Variants in CLASP1 observed in about 807,000 individuals in gnomAD.
The protein encoded by CLASP1 is CLIP-associating protein 1.
A neutral mutation model predicts 192.3 loss-of-function variants in CLASP1; 38 were observed. The observed-to-expected ratio is 0.20, with a 90% CI of 0.15 to 0.26. The LOEUF (loss-of-function observed/expected upper bound fraction) is 0.26. Among genes scored for constraint, CLASP1 ranks in the 10% least tolerant of loss-of-function variants. CLASP1 has a pLI of 1.00. For missense variants in CLASP1, 1,433 were observed against 1,932.5 expected, an observed-to-expected ratio of 0.74 and a Z score of 4.85; for synonymous variants, 691 against 712.8, an observed-to-expected ratio of 0.97 and a Z score of 0.49.
intron 6 of CLASP1, among the ~76,000 whole-genome samples, chr2:121,522,750 G>T (rs2104588959): frequency 6.6e-6 from 1 of 152,166 alleles, no homozygotes; most frequent in South Asian, 2.1e-4. Flanking sequence ...TCTACTCCAG[G>T]GCTGCCAATG....
chr2:121,402,488 G>T, intron 26 of CLASP1: 1 of 463,562 alleles, frequency 2.2e-6, no homozygotes, highest in East Asian at 5.7e-5. Context: ...TCACCACCAG[G>T]GGTCTCCTGT....
At chr2:121,590,036 CTA>C (rs1559700570) in intron 2 of CLASP1, among the ~76,000 whole-genome samples, 1 of 152,056 alleles carries the variant, frequency 6.6e-6, no homozygotes, top group Non-Finnish European at 1.5e-5. Flanking sequence ...AAAAATAAAA[CTA>C]TTTTATTTAC....
chr2:121,612,856 A>G (rs1318916748), intron 1 of CLASP1, among the ~76,000 whole-genome samples: 1 of 152,256 alleles, frequency 6.6e-6, no homozygotes, highest in Non-Finnish European at 1.5e-5. Context: ...CCCTGCAGTC[A>G]GTTCTATAAT....
intron 2 of CLASP1, among the ~76,000 whole-genome samples, chr2:121,586,426 C>T (rs2061721793): frequency 6.6e-6 from 1 of 152,118 alleles, no homozygotes; most frequent in African/African-American, 2.4e-5. Flanking sequence ...TGCACCTAGC[C>T]CCTGTTCTTT....
At chr2:121,392,159 TG>T (rs992113890) in intron 30 of CLASP1, among the ~76,000 whole-genome samples, 5 of 152,236 alleles carry the variant, frequency 3.3e-5, no homozygotes, top group Admixed American at 1.3e-4. Context: ...AAACAAGGTT[TG>T]GGGGCTAAAT....
At chr2:121,392,815 A>C (rs187688778) in intron 30 of CLASP1, among the ~76,000 whole-genome samples, 1 of 152,306 alleles carries the variant, frequency 6.6e-6, no homozygotes, top group Non-Finnish European at 1.5e-5. Context: ...GGGCTCCCAC[A>C]CTGAGAAAAT....
chr2:121,448,882 TTG>T (rs753213262), intron 17 of CLASP1, 69 bp downstream of exon 17: 3 of 1,473,356 alleles, frequency 2.0e-6, no homozygotes, highest in Non-Finnish European at 2.8e-6. Context: ...TAGCTAGAAT[TTG>T]TGTTTTCATG....
exon 34 of CLASP1, chr2:121,377,646 C>T (rs578121908): frequency 6.4e-7 from 1 of 1,560,184 alleles, no homozygotes; most frequent in Non-Finnish European, 8.7e-7. Flanking sequence ...CATAGTCCAG[C>T]ATGCTAAAGA....
chr2:121,618,418 G>A (rs2066797897), intron 1 of CLASP1, among the ~76,000 whole-genome samples: 1 of 152,172 alleles, frequency 6.6e-6, no homozygotes, highest in Non-Finnish European at 1.5e-5. Context: ...AGACGCAAGA[G>A]TGTGCGGCCT....
intron 2 of CLASP1, among the ~76,000 whole-genome samples, chr2:121,543,765 A>G (rs145715021): frequency 4.5e-4 from 69 of 152,188 alleles, no homozygotes; most frequent in African/African-American, 1.5e-3. Flanking sequence ...ATACTAAGTA[A>G]CTCTCCAAAA....
At chr2:121,531,011 A>G (rs759212424) in intron 2 of CLASP1, 17 of 700,166 alleles carry the variant, frequency 2.4e-5, no homozygotes, top group South Asian at 1.8e-4. Flanking sequence ...TGGAAAAATG[A>G]AAACCTGTTT....
chr2:121,446,152 AGACT>A (rs1167355442), intron 19 of CLASP1, among the ~76,000 whole-genome samples: 1 of 152,242 alleles, frequency 6.6e-6, no homozygotes, highest in East Asian at 1.9e-4. Flanking sequence ...CATAAAAACA[AGACT>A]GACTGAGCAA....
chr2:121,450,256 G>A (rs1196566747), intron 16 of CLASP1, among the ~76,000 whole-genome samples: 1 of 151,952 alleles, frequency 6.6e-6, no homozygotes, highest in African/African-American at 2.4e-5. Flanking sequence ...ACGAGAACCT[G>A]GGAGGTGGAG....
intron 27 of CLASP1, 26 bp downstream of exon 28, chr2:121,401,842 A>G (rs1287414160): frequency 1.3e-6 from 1 of 760,166 alleles, no homozygotes; most frequent in South Asian, 1.4e-5. Flanking sequence ...CAGAAAACAG[A>G]TAAAGGAAAA....
intron 2 of CLASP1, among the ~76,000 whole-genome samples, chr2:121,556,813 A>C (rs2058609237): frequency 6.6e-6 from 1 of 152,210 alleles, no homozygotes; most frequent in South Asian, 2.1e-4. Flanking sequence ...ACAACTTCTG[A>C]CATGCATCTC....
At chr2:121,639,863 C>CA (rs34338582) in intron 1 of CLASP1, among the ~76,000 whole-genome samples, 2,042 of 61,914 alleles carry the variant, frequency 0.033, 56 homozygotes, top group African/African-American at 0.091. Context: ...AACTCCATCT[C>CA]AAAAAAAAAA....
At chr2:121,393,783 C>T (rs1482525646) in intron 30 of CLASP1, among the ~76,000 whole-genome samples, 1 of 151,584 alleles carries the variant, frequency 6.6e-6, no homozygotes, top group Non-Finnish European at 1.5e-5. Context: ...TATGATACAT[C>T]TATTTGAATC....
At chr2:121,429,773 A>ATT (rs1307962473) in intron 20 of CLASP1, among the ~76,000 whole-genome samples, 12 of 152,252 alleles carry the variant, frequency 7.9e-5, no homozygotes, top group Admixed American at 7.8e-4. Flanking sequence ...TGCAAAAATG[A>ATT]GTCACAGAAC....
intron 8 of CLASP1, among the ~76,000 whole-genome samples, chr2:121,502,616 G>A (rs557994155): frequency 2.0e-5 from 3 of 152,306 alleles, no homozygotes; most frequent in South Asian, 4.1e-4. Context: ...ATTTCACAAA[G>A]AACGATTCAA....
Sources: allele counts gnomAD v4.1 joint callset (sites outside exome capture counted in the v4.1 genomes callset), GRCh38; gene constraint gnomAD v4.1.1; transcripts MANE v1.5; gene names NCBI Gene and HGNC (gene_info 2026-07-23, HGNC 2026-07-21).